MYOM2: variants seen among roughly 807,000 people sequenced by gnomAD.
MYOM2 encodes myomesin 2.
Under a neutral mutation model 187.6 loss-of-function variants are expected in MYOM2, and 254 were observed. That is an observed-to-expected ratio of 1.35 (90% CI 1.22 to 1.50). The LOEUF is 1.50. Ranked by LOEUF, MYOM2 falls within the 40% of genes most tolerant of loss-of-function variation. The pLI, the probability that MYOM2 is intolerant of heterozygous loss-of-function variation, is 0.00. For missense variants in MYOM2, 2,796 were observed against 1,924.0 expected, an observed-to-expected ratio of 1.45 and a Z score of -8.48; for synonymous variants, 981 against 753.8, an observed-to-expected ratio of 1.30 and a Z score of -4.94.
intron 32 of MYOM2, among the ~76,000 whole-genome samples, chr8:2,132,429 A>G (rs1797907414): frequency 1.3e-5 from 2 of 152,250 alleles, no homozygotes; most frequent in African/African-American, 4.8e-5. Flanking sequence ...AGAGGAATTC[A>G]GTAAAAATGT....
At chr8:2,092,224 G>A (rs1418446568) in intron 15 of MYOM2, 122 bp from the exon 16 acceptor site, 2 of 1,219,152 alleles carry the variant, frequency 1.6e-6, no homozygotes, top group East Asian at 4.7e-5. Flanking sequence ...CCCCTTGTCT[G>A]AATTTCTTCC....
chr8:2,094,583 G>A (rs1232295802), intron 17 of MYOM2, among the ~76,000 whole-genome samples: 5 of 152,280 alleles, frequency 3.3e-5, no homozygotes, highest in East Asian at 1.9e-4. Context: ...TCTGGGAGGC[G>A]GAGTTTGCAG....
chr8:2,093,952 G>A lies in MYOM2; in HGVS notation c.2004-18G>A. 6.2e-7 allele frequency: 1 copy of A among 1,613,512 alleles called. No individual in the cohort carries two copies. The highest frequency in any genetic ancestry group is 1.1e-5 in the South Asian group (1 of 90,986). On this transcript the variant is annotated intron_variant, in intron 16 of 36. Coordinates refer to ENST00000262113, the MANE Select transcript of MYOM2 (RefSeq NM_003970.4). ...AGTGGAGCCTGGCAGTTCTGACCCT[G>A]ATCCCTGTGTTTCTCAGGTTCGTGG...
intron 23 of MYOM2, among the ~76,000 whole-genome samples, chr8:2,108,162 G>T (rs1796954406): frequency 6.6e-6 from 1 of 152,182 alleles, no homozygotes; most frequent in South Asian, 2.1e-4. Flanking sequence ...ATTTTAAGAA[G>T]GAAGGAGAGA....
At chr8:2,094,411 T>G (rs1316648309) in intron 17 of MYOM2, among the ~76,000 whole-genome samples, 1 of 152,218 alleles carries the variant, frequency 6.6e-6, no homozygotes, top group African/African-American at 2.4e-5. Flanking sequence ...CGCAGCACTT[T>G]TGGAGGCCAA....
At chr8:2,142,263 C>T (rs574175851) in intron 34 of MYOM2, 112 bp from the exon 35 acceptor site, 13 of 1,053,662 alleles carry the variant, frequency 1.2e-5, no homozygotes, top group Non-Finnish European at 1.5e-6. Flanking sequence ...GCAAACGTAT[C>T]TCCTTCTTCT....
At position 2,101,029 on chromosome 8, in the gene MYOM2, C is replaced by T. The variant is rs370494955; in HGVS notation, c.2594C>T (p.Thr865Met). 5.1e-5 allele frequency: 83 copies of T among 1,614,042 alleles called. No homozygotes were observed. Among genetic ancestry groups the T allele is most frequent in the Middle Eastern group, 1.7e-4 (1 of 6,058 alleles). The change falls in exon 20 of 37, where the codon ACG becomes ATG. Residue 865 changes from threonine (T) to methionine (M), a missense_variant. Transcript: ENST00000262113. ...GGAGAGTGGATCACTGTCAATCAGA[C>T]GACAACAGCCAGCCGTTATTTAAAG... ...DAGEWITVNQ[T>M]TTASRYLKVS...
Position 2,109,517 on chromosome 8 carries a change from G to C in MYOM2, c.3166G>C (p.Val1056Leu). 1 of 1,611,402 alleles carries C rather than the reference G, an allele frequency of 6.2e-7. No individual in the cohort carries two copies. The highest frequency in any genetic ancestry group is 8.5e-7 in the Non-Finnish European group (1 of 1,178,880). The change falls in exon 25 of 37, where the codon GTC (valine) becomes CTC (leucine). Residue 1056 changes from valine (V) to leucine (L), a missense_variant. Coordinates refer to ENST00000262113, the MANE Select transcript of MYOM2 (RefSeq NM_003970.4). ...SYRFIINDREVSDSEIHRIKC... is the reference protein window; with the variant it reads ...SYRFIINDRELSDSEIHRIKC... ...CCGATTTATTATTAACGACAGAGAAGTCTCTGACAGCGAGGTGAGTTCCTG... is the reference window on the plus strand; with the variant it reads ...CCGATTTATTATTAACGACAGAGAACTCTCTGACAGCGAGGTGAGTTCCTG...
At chr8:2,045,977 CAAAG>C (rs776969030) in intron 1 of MYOM2, among the ~76,000 whole-genome samples, 14 of 152,146 alleles carry the variant, frequency 9.2e-5, no homozygotes, top group Non-Finnish European at 1.8e-4. Flanking sequence ...AAACAGGACT[CAAAG>C]AAAGCGTGGA....
intron 32 of MYOM2, among the ~76,000 whole-genome samples, chr8:2,133,194 G>C (rs1797936820): frequency 6.6e-6 from 1 of 152,170 alleles, no homozygotes; most frequent in African/African-American, 2.4e-5. Context: ...GTCCCCTCAG[G>C]CTGTCCCATC....
At chr8:2,050,607 T>C (rs1818450071) in intron 1 of MYOM2, 148 bp from the exon 2 acceptor site, 1 of 532,992 alleles carries the variant, frequency 1.9e-6, no homozygotes, top group Non-Finnish European at 3.4e-6. Flanking sequence ...TCTAAGGTGA[T>C]TTCTGGCCAT....
At chr8:2,123,963 A>T (rs1035458293) in intron 30 of MYOM2, among the ~76,000 whole-genome samples, 2 of 152,268 alleles carry the variant, frequency 1.3e-5, no homozygotes, top group African/African-American at 4.8e-5. Context: ...AGTTGGATTT[A>T]TGTTGAGTAA....
At position 2,085,383 on chromosome 8, in the gene MYOM2, T is replaced by C. The variant is rs373398588; in HGVS notation, c.1637T>C (p.Ile546Thr). Residue 546 changes from isoleucine to threonine, a missense_variant, in exon 14 of 37, where the codon ATT becomes ACT. Physicochemically the swap from Ile to Thr is moderately conservative, Grantham distance 89 (BLOSUM62 -1). Transcript: ENST00000262113. Reference protein sequence around the residue: ...PRGKDPLMYFIEKSVVGSGSW... With the variant: ...PRGKDPLMYFTEKSVVGSGSW... ...GGCAAGGACCCGCTCATGTACTTCATTGAGAAGGTAAACTCCGGGCCCGTG... is the reference window on the plus strand; with the variant it reads ...GGCAAGGACCCGCTCATGTACTTCACTGAGAAGGTAAACTCCGGGCCCGTG... The C allele has an allele frequency of 4.3e-6, 7 of 1,610,372 alleles. No homozygotes were observed. The highest frequency in any genetic ancestry group is 5.9e-6 in the Non-Finnish European group (7 of 1,178,814).
chr8:2,123,157 A>AG lies in MYOM2; in HGVS notation c.3454-87dup, dbSNP rs79851298. The AG allele has an allele frequency of 7.6e-3, 5,836 of 763,732 alleles. 143 individuals carry two copies. The East Asian group carries it at 0.08, about 11-fold the overall frequency. The allele number at this position is 763,732 out of a possible 1,614,324, so 47.3% of individuals were successfully genotyped here. On this transcript the variant is annotated intron_variant, in intron 28 of 36. Transcript: ENST00000262113. ...CTATAGTAAAAACTAAGGTTTTTTG[A>AG]GGGGGGGGCTCTGTGATTTAAGATT...
At chr8:2,083,130 A>G (rs569499985) in intron 13 of MYOM2, among the ~76,000 whole-genome samples, 4 of 152,230 alleles carry the variant, frequency 2.6e-5, no homozygotes, top group Non-Finnish European at 5.9e-5. Context: ...ACAATCATAT[A>G]TATTATATAT....
At chr8:2,069,183 T>C (rs759488600) in intron 6 of MYOM2, 95 bp from the exon 7 acceptor site, 13 of 1,175,890 alleles carry the variant, frequency 1.1e-5, no homozygotes, top group Admixed American at 2.2e-5. Flanking sequence ...AACCACGCCA[T>C]GTGATTTGCT....
At chr8:2,059,361 G>A (rs369611147) in intron 6 of MYOM2, 116 bp downstream of exon 6, 126 of 801,910 alleles carry the variant, frequency 1.6e-4, no homozygotes, top group Admixed American at 7.7e-4. Flanking sequence ...TTTGCACCCC[G>A]GGTGACTTTA....
At chr8:2,126,829 C>A (rs35679733) in intron 31 of MYOM2, among the ~76,000 whole-genome samples, 1 of 97,684 alleles carries the variant, frequency 1.0e-5, no homozygotes, top group Non-Finnish European at 2.0e-5. Context: ...TCTGGGGGAG[C>A]ACTGGGAGAG....
Position 2,057,564 on chromosome 8 carries a change from C to T in MYOM2, c.403-59C>T, listed in dbSNP as rs952142797. On this transcript the variant is annotated intron_variant, in intron 4 of 36. Transcript: ENST00000262113. ...GCTTGTCTGCATGGTGCTTGAGGGG[C>T]CGAGGGTGGAGCTTGGCTCGCTGCC... The T allele has an allele frequency of 1.5e-5, 24 of 1,612,594 alleles. No individual in the cohort carries two copies. The African/African-American group carries it at 2.4e-4, about 16-fold the overall frequency.
Sources: allele counts gnomAD v4.1 joint callset (sites outside exome capture counted in the v4.1 genomes callset), GRCh38; gene constraint gnomAD v4.1.1; transcripts MANE v1.5; gene names NCBI Gene and HGNC (gene_info 2026-07-23, HGNC 2026-07-21).